The following SLC45A4 variants were observed in gnomAD, a reference collection of about 807,000 sequenced individuals.
SLC45A4 encodes the protein solute carrier family 45 member 4, also known as polyamine-transporter SLC45A4.
SLC45A4 carries 32 observed loss-of-function variants against 63.7 expected under a neutral mutation model. The observed-to-expected ratio is 0.50, with a 90% CI of 0.38 to 0.67. The LOEUF is 0.67. Ranked by LOEUF, SLC45A4 falls within the 30% of genes least tolerant of loss-of-function variation. The pLI, the probability that SLC45A4 is intolerant of heterozygous loss-of-function variation, is 0.00. For missense variants in SLC45A4, 1,027 were observed against 1,157.7 expected, an observed-to-expected ratio of 0.89 and a Z score of 1.64; for synonymous variants, 535 against 510.0, an observed-to-expected ratio of 1.05 and a Z score of -0.66.
chr8:141,263,017 T>C (rs1239322792), intron 1 of SLC45A4, among the ~76,000 whole-genome samples: 1 of 151,582 alleles, frequency 6.6e-6, no homozygotes, highest in Non-Finnish European at 1.5e-5. Flanking sequence ...ATATACACCA[T>C]GGAATACTAT....
At chr8:141,296,405 C>T (rs899574545) in intron 1 of SLC45A4, among the ~76,000 whole-genome samples, 7 of 149,894 alleles carry the variant, frequency 4.7e-5, no homozygotes, top group African/African-American at 1.7e-4. Flanking sequence ...GAGGCTGAGG[C>T]AGGAAGATGG....
rs2154615040 is a variant in SLC45A4, at chr8:141,278,721, A to C, written c.-400-24092T>G. Among the ~76,000 whole-genome samples the C allele has an allele frequency of 6.6e-6, 1 of 152,252 alleles. No individual in the cohort carries two copies. Among genetic ancestry groups the C allele is most frequent in the East Asian group, 1.9e-4 (1 of 5,198 alleles). ...AAAAATGCAATGCAATCAGCTGACC[A>C]GAGAGGAAGCTGGGCTCCTTGCTAA... On this transcript the variant is annotated intron_variant, in intron 1 of 8. Coordinates refer to ENST00000517878, the MANE Select transcript of SLC45A4 (RefSeq NM_001286646.2). The surrounding 1 kb of genome is among the most constrained non-coding windows in gnomAD (Gnocchi z 4.1).
rs1300263352 is a variant in SLC45A4 at position 141,256,588 on chromosome 8, T to C, written c.-400-1959A>G. The stretch of plus-strand genomic sequence containing the variant: ...TCTGGAAGGAAGCCGTGCGCCTGGC[T>C]CTTACGTCCCAGCTCTTCCCTACAT... On this transcript the variant is annotated intron_variant, in intron 1 of 8. Transcript: ENST00000517878. The surrounding 1 kb of genome is among the most constrained non-coding windows in gnomAD (Gnocchi z 4.3). The C allele has an allele frequency of 6.6e-6, 3 of 456,284 alleles. No homozygotes were observed. The Admixed American group carries it at 7.0e-5, about 11-fold the overall frequency. The allele number at this position is 456,284 out of a possible 1,614,324, so 28.3% of individuals were successfully genotyped here. A position where few individuals can be genotyped will look rare whatever the true frequency, so the allele number is the denominator to read the frequency against.
chr8:141,258,408 C>T (rs1426806861), intron 1 of SLC45A4, among the ~76,000 whole-genome samples: 1 of 152,248 alleles, frequency 6.6e-6, no homozygotes, highest in Non-Finnish European at 1.5e-5. Context: ...AGTGGTATTT[C>T]TCAGCACCTT....
intron 7 of SLC45A4, among the ~76,000 whole-genome samples, chr8:141,213,476 A>G (rs1426600265): frequency 6.6e-6 from 1 of 152,256 alleles, no homozygotes; most frequent in African/African-American, 2.4e-5. Flanking sequence ...GTGTCCTTCT[A>G]AATAATTCAT....
chr8:141,260,228 CA>C (rs1828991704), intron 1 of SLC45A4, among the ~76,000 whole-genome samples: 2 of 152,174 alleles, frequency 1.3e-5, no homozygotes, highest in African/African-American at 2.4e-5. Context: ...GCAGTAAGTA[CA>C]AAAATCTACC....
At chr8:141,219,161 G>T in intron 4 of SLC45A4, 132 bp from the exon 5 acceptor site, 2 of 1,043,794 alleles carry the variant, frequency 1.9e-6, no homozygotes, top group Non-Finnish European at 2.7e-6. Flanking sequence ...TGGAGAAGGA[G>T]AAAGCAGTAG....
At chr8:141,234,639 G>A (rs1188652796) in intron 2 of SLC45A4, among the ~76,000 whole-genome samples, 1 of 152,198 alleles carries the variant, frequency 6.6e-6, no homozygotes, top group African/African-American at 2.4e-5. Context: ...GATGCAGTCT[G>A]CCTGCCGTGG....
At chr8:141,259,631 G>A (rs1828969677) in intron 1 of SLC45A4, among the ~76,000 whole-genome samples, 1 of 152,104 alleles carries the variant, frequency 6.6e-6, no homozygotes, top group Admixed American at 6.5e-5. Context: ...GACCCCTTTA[G>A]AACGGGTGAT....
chr8:141,301,353 A>G (rs766699807), intron 1 of SLC45A4, among the ~76,000 whole-genome samples: 1 of 152,252 alleles, frequency 6.6e-6, no homozygotes, highest in Admixed American at 6.5e-5. Context: ...TGATAATTAC[A>G]ATGACATAAA....
chr8:141,252,887 A>C (rs1828559162), intron 2 of SLC45A4, among the ~76,000 whole-genome samples: 1 of 140,548 alleles, frequency 7.1e-6, no homozygotes. Context: ...TTTCATATCC[A>C]CCTGTGTGTC....
intron 2 of SLC45A4, among the ~76,000 whole-genome samples, chr8:141,243,624 G>A (rs1828020275): frequency 6.6e-6 from 1 of 152,058 alleles, no homozygotes; most frequent in African/African-American, 2.4e-5. Flanking sequence ...CAGCCTGGGC[G>A]ACAGAGACCC....
At chr8:141,273,143 T>C (rs1829602687) in intron 1 of SLC45A4, among the ~76,000 whole-genome samples, 2 of 152,246 alleles carry the variant, frequency 1.3e-5, no homozygotes. Flanking sequence ...TCCGCGCCAC[T>C]GAGCTTCTGT....
chr8:141,293,114 A>G (rs1199235502), intron 1 of SLC45A4, among the ~76,000 whole-genome samples: 1 of 152,224 alleles, frequency 6.6e-6, no homozygotes, highest in Non-Finnish European at 1.5e-5. Flanking sequence ...GCACGCCAGC[A>G]GTTCACTGTG....
intron 1 of SLC45A4, among the ~76,000 whole-genome samples, chr8:141,255,959 AC>A (rs1255827509): frequency 1.3e-5 from 2 of 152,060 alleles, no homozygotes; most frequent in South Asian, 2.1e-4. Flanking sequence ...TGACTATAGT[AC>A]CTAGGGGTTC....
At chr8:141,303,304 GTT>G (rs375645569) in intron 1 of SLC45A4, among the ~76,000 whole-genome samples, 4 of 124,644 alleles carry the variant, frequency 3.2e-5, no homozygotes, top group Admixed American at 1.7e-4. Flanking sequence ...GCTAATTTTT[GTT>G]TTTTTTTTTT....
intron 1 of SLC45A4, among the ~76,000 whole-genome samples, chr8:141,262,599 A>C (rs1303228355): frequency 1.3e-5 from 2 of 150,730 alleles, no homozygotes; most frequent in African/African-American, 4.8e-5. Flanking sequence ...ATGCAGCCAA[A>C]AAACACATGA....
chr8:141,230,863 C>T (rs929064094), intron 2 of SLC45A4, among the ~76,000 whole-genome samples: 2 of 152,350 alleles, frequency 1.3e-5, no homozygotes, highest in Admixed American at 6.5e-5. Context: ...GAACGTGGCA[C>T]TGATGACGGC....
At chr8:141,246,080 C>A (rs1444051541) in intron 2 of SLC45A4, among the ~76,000 whole-genome samples, 1 of 152,192 alleles carries the variant, frequency 6.6e-6, no homozygotes, top group South Asian at 2.1e-4. Flanking sequence ...GAGTTACAAT[C>A]TAAGGTTTCT....
Sources: allele counts gnomAD v4.1 joint callset (sites outside exome capture counted in the v4.1 genomes callset), GRCh38; gene constraint gnomAD v4.1.1; non-coding constraint Gnocchi (gnomAD v3.1); transcripts MANE v1.5; gene names NCBI Gene and HGNC (gene_info 2026-07-23, HGNC 2026-07-21).